Variants in C19orf38 observed in about 807,000 individuals in gnomAD.
The protein encoded by C19orf38 is protein HIDE1.
C19orf38 carries 14 observed loss-of-function variants against 26.6 expected under a neutral mutation model. The ratio of observed to expected loss-of-function variants is 0.53; its 90% CI spans 0.35 to 0.82. The LOEUF is 0.82. Among genes scored for constraint, C19orf38 ranks in the 40% least tolerant of loss-of-function variants. The pLI is 0.01. For synonymous variants in C19orf38, 132 were observed against 128.5 expected, an observed-to-expected ratio of 1.03 and a Z score of -0.18; for missense variants, 261 against 299.5, an observed-to-expected ratio of 0.87 and a Z score of 0.95.
At chr19:10,851,695 G>T (rs1484174941) in intron 2 of C19orf38, among the ~76,000 whole-genome samples, 1 of 151,994 alleles carries the variant, frequency 6.6e-6, no homozygotes, top group East Asian at 1.9e-4. Flanking sequence ...TAGGCTGGGC[G>T]TGGTGGCTCA....
At chr19:10,844,847 CAA>C (rs36112084), upstream of C19orf38, among the ~76,000 whole-genome samples, 21 of 63,398 alleles carry the variant, frequency 3.3e-4, no homozygotes, top group Admixed American at 3.4e-4. Flanking sequence ...GATTCCATCT[CAA>C]AAAAAAAAAA....
upstream of C19orf38, among the ~76,000 whole-genome samples, chr19:10,843,700 C>T (rs1041099080): frequency 1.3e-5 from 2 of 151,958 alleles, no homozygotes; most frequent in Admixed American, 6.6e-5. Context: ...TGTTTTTTTT[C>T]GCTGTCAGGT....
At chr19:10,843,561 T>C (rs2073494208), upstream of C19orf38, among the ~76,000 whole-genome samples, 1 of 152,216 alleles carries the variant, frequency 6.6e-6, no homozygotes. Context: ...TTCATCCTAA[T>C]GTCTCTGGCA....
chr19:10,853,234 T>A (rs1475054726), intron 2 of C19orf38, among the ~76,000 whole-genome samples: 1 of 151,716 alleles, frequency 6.6e-6, no homozygotes, highest in Non-Finnish European at 1.5e-5. Flanking sequence ...GGCTAATATG[T>A]CTATTTTTTG....
At chr19:10,855,315 G>C (rs1004143705) in intron 2 of C19orf38, among the ~76,000 whole-genome samples, 2 of 152,034 alleles carry the variant, frequency 1.3e-5, no homozygotes, top group Admixed American at 1.3e-4. Flanking sequence ...TTACAGGCGT[G>C]AGCCACCGTG....
chr19:10,859,994 A>G (rs1441428079), intron 5 of C19orf38, 36 bp downstream of exon 5: 2 of 1,533,584 alleles, frequency 1.3e-6, no homozygotes, highest in African/African-American at 2.8e-5. Context: ...CAGTGGGGAA[A>G]GGATTACACC....
rs538815380 is a variant in C19orf38, at chr19:10,859,433, AGTACAGTGGCGCAATCTCGGCTCACTG to A, written c.462-481_462-455del. Among the ~76,000 whole-genome samples, 216 of 133,582 alleles carry A rather than the reference AGTACAGTGGCGCAATCTCGGCTCACTG, an allele frequency of 1.6e-3. 1 individual carries two copies. Among genetic ancestry groups the A allele is most frequent in the African/African-American group, 5.8e-3 (202 of 35,106 alleles). 87.6% of individuals were successfully genotyped at this position (133,582 alleles called of 152,430 possible). A position where few individuals can be genotyped will look rare whatever the true frequency, so the allele number is the denominator to read the frequency against. ...AGTCTCACTCTGTCGCCCAGGCTGG[AGTACAGTGGCGCAATCTCGGCTCACTG>A]CAACCTCCGCCTCCTGGGTTCAAGC... On this transcript the variant is annotated intron_variant, in intron 4 of 6. Transcript: ENST00000397820.
At chr19:10,859,675 C>T (rs971477278) in intron 4 of C19orf38, among the ~76,000 whole-genome samples, 1 of 151,980 alleles carries the variant, frequency 6.6e-6, no homozygotes, top group South Asian at 2.1e-4. Context: ...TGAGCCACTG[C>T]GCCTGGCCCA....
chr19:10,869,601 C>T lies in C19orf38; in HGVS notation c.*234C>T, dbSNP rs2073784360. The T allele has an allele frequency of 3.6e-6, 2 of 551,708 alleles. No homozygotes were observed. Among genetic ancestry groups the T allele is most frequent in the Admixed American group, 3.8e-5 (1 of 26,014 alleles). The allele number at this position is 551,708 out of a possible 1,614,324, so 34.2% of individuals were successfully genotyped here. ...CCTCTCGACCTTCGGCTCCTCAGGA[C>T]CACCAGAGAAGGAGATGTCAGGACC... On this transcript the variant is annotated 3_prime_UTR_variant, in exon 7 of 7. Coordinates refer to ENST00000397820, the MANE Select transcript of C19orf38 (RefSeq NM_001136482.3).
At chr19:10,857,366 A>ATATTTTTTTTT (rs1433358051) in intron 3 of C19orf38, among the ~76,000 whole-genome samples, 2 of 56,080 alleles carry the variant, frequency 3.6e-5, no homozygotes, top group African/African-American at 3.4e-4. Flanking sequence ...ATATATATAT[A>ATATTTTTTTTT]TTTTTTTTTT....
chr19:10,862,295 C>T (rs1050038722), intron 5 of C19orf38, among the ~76,000 whole-genome samples: 1 of 150,944 alleles, frequency 6.6e-6, no homozygotes, highest in African/African-American at 2.4e-5. Context: ...GCCTCGACCT[C>T]CTAGGCTGAA....
chr19:10,867,738 T>C (rs78980630), intron 6 of C19orf38, among the ~76,000 whole-genome samples: 42,241 of 139,130 alleles, frequency 0.3, 6,303 homozygotes, highest in East Asian at 0.56. Context: ...CTGCCACCTC[T>C]GCCTCCCAGC....
upstream of C19orf38, among the ~76,000 whole-genome samples, chr19:10,848,220 A>G (rs1256577816): frequency 1.3e-5 from 2 of 151,934 alleles, no homozygotes; most frequent in African/African-American, 4.8e-5. Flanking sequence ...AGAGGAAAAA[A>G]TTGTGAAAAC....
intron 5 of C19orf38, 23 bp from the exon 6 acceptor site, chr19:10,863,146 GT>G: frequency 6.5e-7 from 1 of 1,550,134 alleles, no homozygotes; most frequent in Non-Finnish European, 8.7e-7. Flanking sequence ...CCAATCCTGG[GT>G]TTTCTTTCTC....
rs535836536 is a variant in C19orf38 at position 10,849,135 on chromosome 19, C to T, written c.31+596C>T. Reference sequence around the variant, plus strand: ...TCCCCTTCCTGCCACCCACCTCACTCACCCCCTCCCTCCTGCCATGATGGC... The same window carrying T: ...TCCCCTTCCTGCCACCCACCTCACTTACCCCCTCCCTCCTGCCATGATGGC... On this transcript the variant is annotated intron_variant, in intron 1 of 6. Transcript: ENST00000397820. Among the ~76,000 whole-genome samples the T allele has an allele frequency of 5.6e-4, 85 of 151,912 alleles. 1 individual carries two copies. Among genetic ancestry groups the T allele is most frequent in the African/African-American group, 1.7e-3 (70 of 41,434 alleles).
rs1342140567 is a variant in C19orf38 at position 10,859,358 on chromosome 19, A to G, written c.462-557A>G. On this transcript the variant is annotated intron_variant, in intron 4 of 6. Transcript: ENST00000397820. ...TGTGTGTGTGTGTGTGTATATATATATATATATATATATATATATATATAT... is the reference window on the plus strand; with the variant it reads ...TGTGTGTGTGTGTGTGTATATATATGTATATATATATATATATATATATAT... 4.5e-3 allele frequency among the ~76,000 whole-genome samples: 149 copies of G among 33,436 alleles called. 1 individual carries two copies. Among genetic ancestry groups the G allele is most frequent in the African/African-American group, 0.026 (129 of 4,916 alleles). 21.9% of individuals were successfully genotyped at this position (33,436 alleles called of 152,430 possible).
chr19:10,867,641 C>CT (rs953156656), intron 6 of C19orf38, among the ~76,000 whole-genome samples: 775 of 58,838 alleles, frequency 0.013, 78 homozygotes, highest in African/African-American at 0.017. Flanking sequence ...GAAGAACATT[C>CT]TTTTTTTTTT....
chr19:10,844,993 C>CAAAAAAAAAAAAAAAAA (rs57500129), upstream of C19orf38, among the ~76,000 whole-genome samples: 140 of 95,814 alleles, frequency 1.5e-3, 2 homozygotes, highest in Non-Finnish European at 2.4e-3. Context: ...CCTTTCTCTA[C>CAAAAAAAAAAAAAAAAA]AAAAAAAAAA....
At chr19:10,841,678 C>G (rs1477075319) in intron 1 of C19orf38, among the ~76,000 whole-genome samples, 1 of 151,484 alleles carries the variant, frequency 6.6e-6, no homozygotes, top group Non-Finnish European at 1.5e-5. Context: ...GTGAATAAAA[C>G]AGACACTGTC....
Sources: allele counts gnomAD v4.1 joint callset (sites outside exome capture counted in the v4.1 genomes callset), GRCh38; gene constraint gnomAD v4.1.1; transcripts MANE v1.5; gene names NCBI Gene and HGNC (gene_info 2026-07-23, HGNC 2026-07-21).